Variants in SLC24A3 observed in about 807,000 individuals in gnomAD.
The protein encoded by SLC24A3 is sodium/potassium/calcium exchanger 3.
SLC24A3 carries 28 observed loss-of-function variants against 75.8 expected under a neutral mutation model. The observed-to-expected ratio is 0.37, with a 90% CI of 0.27 to 0.51. The LOEUF is 0.51. SLC24A3 is among the 20% of genes least tolerant of loss of function. The pLI is 0.94. For missense variants in SLC24A3, 663 were observed against 847.8 expected, an observed-to-expected ratio of 0.78 and a Z score of 2.71; for synonymous variants, 372 against 334.1, an observed-to-expected ratio of 1.11 and a Z score of -1.24.
At chr20:19,570,781 A>T (rs965956597) in intron 3 of SLC24A3, among the ~76,000 whole-genome samples, 1 of 152,154 alleles carries the variant, frequency 6.6e-6, no homozygotes, top group Non-Finnish European at 1.5e-5. Flanking sequence ...TTACTGTGGC[A>T]TATTGCCTGT....
chr20:19,466,945 T>A (rs2122502054), intron 2 of SLC24A3, among the ~76,000 whole-genome samples: 1 of 152,308 alleles, frequency 6.6e-6, no homozygotes, highest in South Asian at 2.1e-4. Context: ...TAAGACAGGG[T>A]CCCTGACCTC....
intron 2 of SLC24A3, among the ~76,000 whole-genome samples, chr20:19,453,242 C>A (rs1330186821): frequency 1.3e-5 from 2 of 151,990 alleles, no homozygotes; most frequent in African/African-American, 4.8e-5. Context: ...TCCAGCTACT[C>A]AGGTGACTGA....
intron 15 of SLC24A3, 24 bp downstream of exon 15, chr20:19,698,704 C>G: frequency 6.5e-7 from 1 of 1,529,902 alleles, no homozygotes; most frequent in Non-Finnish European, 8.9e-7. Context: ...TCCAGGACTT[C>G]TCCTGAAATC....
intron 3 of SLC24A3, among the ~76,000 whole-genome samples, chr20:19,551,479 T>A (rs1600277073): frequency 6.6e-6 from 1 of 152,188 alleles, no homozygotes; most frequent in South Asian, 2.1e-4. Context: ...TTTAAATGAA[T>A]TATGACTCCC....
At chr20:19,420,487 C>T (rs1248738683) in intron 2 of SLC24A3, among the ~76,000 whole-genome samples, 2 of 147,840 alleles carry the variant, frequency 1.4e-5, no homozygotes, top group Non-Finnish European at 3.0e-5. Flanking sequence ...CTCTCCAGCA[C>T]CTGTTGTTTC....
At chr20:19,563,910 C>A (rs759841767) in intron 3 of SLC24A3, among the ~76,000 whole-genome samples, 2 of 152,200 alleles carry the variant, frequency 1.3e-5, no homozygotes, top group Admixed American at 6.5e-5. Context: ...TAATAAGAAC[C>A]TTTAGGCAAG....
chr20:19,628,653 T>G (rs3790276), intron 6 of SLC24A3, among the ~76,000 whole-genome samples: 66,796 of 151,936 alleles, frequency 0.44, 17,853 homozygotes, highest in African/African-American at 0.76. Context: ...AGCACACTTT[T>G]GATACCTGGG....
intron 6 of SLC24A3, among the ~76,000 whole-genome samples, chr20:19,620,738 G>A (rs1472791657): frequency 1.3e-5 from 2 of 152,142 alleles, no homozygotes; most frequent in African/African-American, 4.8e-5. Flanking sequence ...CTTCTGTCCT[G>A]GGAGAGAGAT....
chr20:19,396,031 A>G (rs147156171), intron 2 of SLC24A3, among the ~76,000 whole-genome samples: 6 of 152,324 alleles, frequency 3.9e-5, no homozygotes, highest in South Asian at 4.1e-4. Flanking sequence ...TGACACAACA[A>G]TGATTACTAG....
At chr20:19,424,745 C>CA (rs528342351) in intron 2 of SLC24A3, among the ~76,000 whole-genome samples, 21,007 of 48,914 alleles carry the variant, frequency 0.43, 4,337 homozygotes, top group Non-Finnish European at 0.57. Context: ...AAAACAACAA[C>CA]AAAAAAAAAA....
rs192521273 is a variant in SLC24A3 at position 19,599,989 on chromosome 20, G to A, written c.612+14445G>A. Among the ~76,000 whole-genome samples, 747 of 152,314 alleles carry A rather than the reference G, an allele frequency of 4.9e-3. 3 individuals carry two copies. Among genetic ancestry groups the A allele is most frequent in the Non-Finnish European group, 7.8e-3 (532 of 68,034 alleles). Reference sequence around the variant, plus strand: ...GTGTGCTTTCCTGTTTTGGAAACATGTTGGCGTCGAAGTCCTTGCAGGGCT... The same window carrying A: ...GTGTGCTTTCCTGTTTTGGAAACATATTGGCGTCGAAGTCCTTGCAGGGCT... On this transcript the variant is annotated intron_variant, in intron 6 of 16. Coordinates refer to ENST00000328041, the MANE Select transcript of SLC24A3 (RefSeq NM_020689.4).
At chr20:19,661,995 A>C (rs1181684128) in intron 7 of SLC24A3, among the ~76,000 whole-genome samples, 1 of 152,206 alleles carries the variant, frequency 6.6e-6, no homozygotes, top group East Asian at 1.9e-4. Flanking sequence ...GTTTCTCTGA[A>C]GCCTGGAGGA....
chr20:19,714,430 C>CA (rs2033022712), intron 15 of SLC24A3, among the ~76,000 whole-genome samples: 31 of 109,204 alleles, frequency 2.8e-4, no homozygotes, highest in South Asian at 2.1e-3. Flanking sequence ...AAAAAAACAA[C>CA]AAAAAGAGGC....
chr20:19,690,225 G>A (rs2032730545), intron 12 of SLC24A3, among the ~76,000 whole-genome samples: 1 of 152,014 alleles, frequency 6.6e-6, no homozygotes, highest in Admixed American at 6.6e-5. Flanking sequence ...GTTACAAAGG[G>A]GCAATAACTT....
chr20:19,426,423 A>G lies in SLC24A3; in HGVS notation c.272-89065A>G, dbSNP rs973304753. 3.3e-5 allele frequency among the ~76,000 whole-genome samples: 5 copies of G among 152,310 alleles called. No individual in the cohort carries two copies. In the South Asian group the frequency reaches 8.3e-4, roughly 25 times the overall value. ...AATATATTATTTGTGGTTAGATTCA[A>G]TTGTTTATATACAACTTTAGGCTTG... On this transcript the variant is annotated intron_variant, in intron 2 of 16. Coordinates refer to ENST00000328041, the MANE Select transcript of SLC24A3 (RefSeq NM_020689.4).
chr20:19,659,214 T>A (rs2032299250), intron 7 of SLC24A3, among the ~76,000 whole-genome samples: 1 of 152,050 alleles, frequency 6.6e-6, no homozygotes, highest in Admixed American at 6.5e-5. Context: ...TTGGCAGCAG[T>A]TTGGGGGTCT....
intron 2 of SLC24A3, among the ~76,000 whole-genome samples, chr20:19,314,322 T>TTTTATTTTA (rs1555787421): frequency 3.4e-5 from 5 of 147,476 alleles, no homozygotes; most frequent in Non-Finnish European, 6.0e-5. Context: ...TTTTATTTTA[T>TTTTATTTTA]TTTATTTTTG....
chr20:19,313,412 A>G (rs2122264418), intron 2 of SLC24A3, among the ~76,000 whole-genome samples: 1 of 152,126 alleles, frequency 6.6e-6, no homozygotes, highest in South Asian at 2.1e-4. Context: ...CTGCTCCTCC[A>G]CCCAGAGATG....
At chr20:19,314,763 T>A (rs1201835299) in intron 2 of SLC24A3, among the ~76,000 whole-genome samples, 1 of 152,242 alleles carries the variant, frequency 6.6e-6, no homozygotes, top group Non-Finnish European at 1.5e-5. Context: ...ACTCACAGTC[T>A]TCCGGAAGGA....
Sources: allele counts gnomAD v4.1 joint callset (sites outside exome capture counted in the v4.1 genomes callset), GRCh38; gene constraint gnomAD v4.1.1; transcripts MANE v1.5; gene names NCBI Gene and HGNC (gene_info 2026-07-23, HGNC 2026-07-21).